Variants in AATF observed in about 807,000 individuals in gnomAD.
AATF encodes apoptosis antagonizing transcription factor.
AATF carries 48 observed loss-of-function variants against 63.7 expected under a neutral mutation model. The observed-to-expected ratio is 0.75, with a 90% CI of 0.60 to 0.96. The LOEUF is 0.96. AATF is among the 40% of genes least tolerant of loss of function. The pLI is 0.00. For missense variants in AATF, 639 were observed against 685.7 expected (o/e 0.93, Z 0.76); for synonymous variants, 258 against 247.7 (o/e 1.04, Z -0.39).
intron 8 of AATF, among the ~76,000 whole-genome samples, chr17:37,011,668 A>G (rs1173893056): frequency 3.0e-4 from 46 of 152,172 alleles, no homozygotes; most frequent in Non-Finnish European, 2.9e-5. Flanking sequence ...CTGAATGTGG[A>G]GTAAAGACAG....
At chr17:36,977,201 A>G (rs1259411859) in intron 4 of AATF, among the ~76,000 whole-genome samples, 3 of 152,210 alleles carry the variant, frequency 2.0e-5, no homozygotes, top group African/African-American at 7.2e-5. Context: ...CATTTGTAGC[A>G]TACCTTTTAT....
intron 10 of AATF, among the ~76,000 whole-genome samples, chr17:37,024,045 C>T (rs1567987875): frequency 6.6e-6 from 1 of 152,034 alleles, no homozygotes; most frequent in Non-Finnish European, 1.5e-5. Context: ...AAAATTGGGA[C>T]ATATTCAATA....
chr17:37,035,305 G>A (rs1019531956), intron 11 of AATF, among the ~76,000 whole-genome samples: 17 of 150,666 alleles, frequency 1.1e-4, no homozygotes, highest in East Asian at 4.0e-4. Flanking sequence ...TGCAACCTCC[G>A]CCTCCTGGGT....
chr17:36,985,027 G>A (rs1028904155), intron 4 of AATF, among the ~76,000 whole-genome samples: 3 of 151,456 alleles, frequency 2.0e-5, no homozygotes, highest in Admixed American at 1.3e-4. Flanking sequence ...TCAGCCTCCT[G>A]AGTAGCTGGG....
chr17:36,964,917 C>G (rs1204816242), intron 4 of AATF, among the ~76,000 whole-genome samples: 1 of 152,132 alleles, frequency 6.6e-6, no homozygotes, highest in East Asian at 1.9e-4. Flanking sequence ...CTGGGGAGAG[C>G]TACCGCTTTC....
At chr17:37,009,596 T>C (rs1003222752) in intron 8 of AATF, among the ~76,000 whole-genome samples, 1 of 150,222 alleles carries the variant, frequency 6.7e-6, no homozygotes, top group Non-Finnish European at 1.5e-5. Flanking sequence ...GGCGGGTGGA[T>C]CATGAGGTCA....
At chr17:36,997,853 AG>A (rs1207388759) in intron 8 of AATF, among the ~76,000 whole-genome samples, 5 of 152,240 alleles carry the variant, frequency 3.3e-5, no homozygotes, top group Non-Finnish European at 7.3e-5. Flanking sequence ...GAGTGGATAA[AG>A]AAACTGTGGT....
At chr17:36,956,978 C>G (rs888976719) in intron 4 of AATF, among the ~76,000 whole-genome samples, 8 of 148,816 alleles carry the variant, frequency 5.4e-5, no homozygotes, top group African/African-American at 1.5e-4. Context: ...CTGTCCCCCC[C>G]GAAAAAAAAA....
chr17:36,995,812 C>T (rs2071250647), intron 8 of AATF, among the ~76,000 whole-genome samples: 1 of 152,078 alleles, frequency 6.6e-6, no homozygotes, highest in Non-Finnish European at 1.5e-5. Flanking sequence ...AAGCAGTTTG[C>T]CCACCTTAGC....
intron 7 of AATF, 41 bp from the exon 8 acceptor site, chr17:36,990,733 C>T (rs1321871419): frequency 4.0e-6 from 5 of 1,261,236 alleles, no homozygotes; most frequent in Non-Finnish European, 1.1e-6. Context: ...GTTAGATAGC[C>T]TTGTTGGGAT....
intron 10 of AATF, among the ~76,000 whole-genome samples, chr17:37,027,452 C>G (rs748096634): frequency 6.6e-6 from 1 of 151,688 alleles, no homozygotes; most frequent in Non-Finnish European, 1.5e-5. Context: ...TGATTTCTTC[C>G]TAAAGCCTGT....
intron 8 of AATF, chr17:36,998,950 C>T (rs1378650732): frequency 2.0e-5 from 3 of 152,232 alleles, no homozygotes; most frequent in Non-Finnish European, 4.4e-5. Context: ...AGGGTTCTCA[C>T]AAACATGCCT....
At chr17:37,039,111 C>G (rs191450218) in intron 11 of AATF, among the ~76,000 whole-genome samples, 11 of 152,302 alleles carry the variant, frequency 7.2e-5, no homozygotes, top group Non-Finnish European at 1.0e-4. Context: ...CTTGCTCCCC[C>G]CTACCTATAT....
At chr17:37,042,764 C>T (rs1418622684) in intron 11 of AATF, among the ~76,000 whole-genome samples, 2 of 138,204 alleles carry the variant, frequency 1.4e-5, no homozygotes, top group Non-Finnish European at 1.5e-5. Context: ...CTTTTTGAGA[C>T]GGAGTCTTGC....
At chr17:36,967,763 G>A (rs1195808619) in intron 4 of AATF, among the ~76,000 whole-genome samples, 2 of 151,614 alleles carry the variant, frequency 1.3e-5, no homozygotes, top group Non-Finnish European at 2.9e-5. Flanking sequence ...CATCACAATT[G>A]ATGGTTTGTA....
rs181514616 is a variant in AATF at position 36,990,386 on chromosome 17, G to A, written c.1315-388G>A. Reference sequence around the variant, plus strand: ...ATTCCTGTACATGTATTATGTGTTCGTATAAATATATGGGTAGATTTCTTG... The same window carrying A: ...ATTCCTGTACATGTATTATGTGTTCATATAAATATATGGGTAGATTTCTTG... On this transcript the variant is annotated intron_variant, in intron 7 of 11. Transcript: ENST00000619387. Among the ~76,000 whole-genome samples the A allele has an allele frequency of 1.0e-3, 158 of 152,164 alleles. No homozygotes were observed. In the Middle Eastern group the frequency reaches 0.014, roughly 13 times the overall value.
chr17:37,053,726 C>T (rs757439682), intron 11 of AATF, among the ~76,000 whole-genome samples: 11 of 152,070 alleles, frequency 7.2e-5, no homozygotes, highest in Non-Finnish European at 1.3e-4. Flanking sequence ...ATTAGCCGGG[C>T]GTGGTGGTGC....
intron 2 of AATF, 25 bp downstream of exon 2, chr17:36,950,430 C>G: frequency 6.3e-7 from 1 of 1,598,458 alleles, no homozygotes; most frequent in Non-Finnish European, 8.6e-7. Context: ...TTGAATGGAA[C>G]TCTTCTCTTC....
At chr17:37,003,295 C>T (rs528836624) in intron 8 of AATF, among the ~76,000 whole-genome samples, 1 of 152,108 alleles carries the variant, frequency 6.6e-6, no homozygotes, top group South Asian at 2.1e-4. Flanking sequence ...CTCACACCTA[C>T]ACAAAAGTTA....
Sources: allele counts gnomAD v4.1 joint callset (sites outside exome capture counted in the v4.1 genomes callset), GRCh38; gene constraint gnomAD v4.1.1; transcripts MANE v1.5; gene names NCBI Gene and HGNC (gene_info 2026-07-23, HGNC 2026-07-21).